D2HGDH: variants seen among roughly 807,000 people sequenced by gnomAD.
D2HGDH encodes the protein D-2-hydroxyglutarate dehydrogenase.
In D2HGDH, 31 loss-of-function variants were observed where a neutral mutation model predicts 46.9. The observed-to-expected ratio is 0.66, with a 90% CI of 0.50 to 0.89. D2HGDH has a LOEUF of 0.89. Among genes scored for constraint, D2HGDH ranks in the 40% least tolerant of loss-of-function variants. The pLI is 0.00. For synonymous variants in D2HGDH, 364 were observed against 332.6 expected (o/e 1.09, Z -1.03); for missense variants, 698 against 720.8 (o/e 0.97, Z 0.36).
At chr2:241,756,127 G>A (rs759711750) in intron 9 of D2HGDH, 113 bp downstream of exon 9, 13 of 1,413,378 alleles carry the variant, frequency 9.2e-6, no homozygotes, top group Non-Finnish European at 1.2e-5. Context: ...CTCTGGCTTA[G>A]CATATCTCCC....
intron 1 of D2HGDH, 115 bp from the exon 2 acceptor site, chr2:241,735,018 C>T: frequency 1.7e-6 from 1 of 583,850 alleles, no homozygotes; most frequent in Non-Finnish European, 2.8e-6. Context: ...AGGGGGAGGG[C>T]CCGGGTGCTC....
intron 6 of D2HGDH, among the ~76,000 whole-genome samples, chr2:241,747,767 T>C (rs1696259468): frequency 6.6e-6 from 1 of 152,120 alleles, no homozygotes; most frequent in South Asian, 2.1e-4. Flanking sequence ...TCTCCCATGA[T>C]GCCCAGGCTG....
intron 7 of D2HGDH, among the ~76,000 whole-genome samples, 189 bp downstream of exon 7, chr2:241,750,483 A>G (rs1364502195): frequency 6.6e-6 from 1 of 152,178 alleles, no homozygotes; most frequent in African/African-American, 2.4e-5. Context: ...ATTTAGGACA[A>G]AGAACAGGCT....
chr2:241,751,982 G>A (rs1045676357), intron 8 of D2HGDH, among the ~76,000 whole-genome samples: 1 of 128,236 alleles, frequency 7.8e-6, no homozygotes, highest in East Asian at 2.2e-4. Flanking sequence ...CTCGGTCACC[G>A]TCACCGGGGC....
At chr2:241,761,889 G>A (rs563372322) in intron 9 of D2HGDH, among the ~76,000 whole-genome samples, 66 of 152,042 alleles carry the variant, frequency 4.3e-4, no homozygotes, top group Non-Finnish European at 7.8e-4. Flanking sequence ...TGATAAAAAT[G>A]TCTTTTCCTC....
chr2:241,763,658 T>C (rs1699028024), intron 9 of D2HGDH, among the ~76,000 whole-genome samples: 2 of 152,200 alleles, frequency 1.3e-5, no homozygotes, highest in South Asian at 4.1e-4. Context: ...TTCAGCTCCA[T>C]TTTAATGTTA....
chr2:241,750,708 C>T (rs1419121121), intron 7 of D2HGDH, among the ~76,000 whole-genome samples: 4 of 152,170 alleles, frequency 2.6e-5, no homozygotes, highest in African/African-American at 7.2e-5. Flanking sequence ...TGGAGTTTCG[C>T]ACTGTGGCCC....
At chr2:241,764,502 T>C (rs1399824540) in intron 9 of D2HGDH, among the ~76,000 whole-genome samples, 1 of 151,956 alleles carries the variant, frequency 6.6e-6, no homozygotes, top group Non-Finnish European at 1.5e-5. Context: ...GGACTATGAG[T>C]CTCCAGGTGG....
intron 9 of D2HGDH, among the ~76,000 whole-genome samples, chr2:241,756,990 C>A (rs1293559184): frequency 6.6e-6 from 1 of 152,156 alleles, no homozygotes; most frequent in South Asian, 2.1e-4. Context: ...GACCTGAAGC[C>A]TCCATCCATC....
chr2:241,736,048 A>AC (rs920878612), intron 2 of D2HGDH: 1 of 159,488 alleles, frequency 6.3e-6, no homozygotes, highest in Non-Finnish European at 1.4e-5. Flanking sequence ...GGCGTGAGCC[A>AC]CCCCGCCCTG....
chr2:241,759,602 G>A (rs1217814185), intron 9 of D2HGDH, among the ~76,000 whole-genome samples: 4 of 152,196 alleles, frequency 2.6e-5, no homozygotes, highest in Admixed American at 1.3e-4. Context: ...CTTGTTTGCC[G>A]TCTTGAATGA....
chr2:241,740,661 TG>T (rs754812642), intron 2 of D2HGDH, among the ~76,000 whole-genome samples: 9 of 152,122 alleles, frequency 5.9e-5, no homozygotes, highest in Non-Finnish European at 1.0e-4. Context: ...GATCACTCTC[TG>T]GGGGCTGGGC....
Position 241,747,859 on chromosome 2 carries a change from G to A in D2HGDH, c.854-2292G>A, listed in dbSNP as rs151202350. Among the ~76,000 whole-genome samples the A allele has an allele frequency of 4.0e-3, 615 of 152,110 alleles. 2 individuals are homozygous for A. Among genetic ancestry groups the A allele is most frequent in the Non-Finnish European group, 6.6e-3 (447 of 67,980 alleles). ...GCTACAGGCATGAGCACCTGCGTCG[G>A]GCTCCATTCTGCTTTTTTCTCATTC... is the stretch of plus-strand genomic sequence containing the variant. On this transcript the variant is annotated intron_variant, in intron 6 of 9. Transcript: ENST00000321264.
Position 241,735,190 on chromosome 2 carries a change from C to A in D2HGDH, c.-35C>A. 1.3e-6 allele frequency: 2 copies of A among 1,495,472 alleles called. No homozygotes were observed. Among genetic ancestry groups the A allele is most frequent in the Non-Finnish European group, 8.8e-7 (1 of 1,131,542 alleles). 92.6% of individuals were successfully genotyped at this position (1,495,472 alleles called of 1,614,324 possible). ...CCGGGCCCTGAGTACCGGCCCCCCACCAAGGAGGAGCCCGAGGTCTCCGTC... is the reference window on the plus strand; with the variant it reads ...CCGGGCCCTGAGTACCGGCCCCCCAACAAGGAGGAGCCCGAGGTCTCCGTC... On this transcript the variant is annotated 5_prime_UTR_variant, in exon 2 of 10. Transcript: ENST00000321264.
At chr2:241,755,787 C>T (rs752445436) in intron 8 of D2HGDH, 62 bp from the exon 9 acceptor site, 4 of 1,610,636 alleles carry the variant, frequency 2.5e-6, no homozygotes, top group Admixed American at 1.7e-5. Context: ...GTGTGGTGTG[C>T]CCCCTGTCCC....
chr2:241,751,176 C>T lies in D2HGDH; in HGVS notation c.998-70C>T. On this transcript the variant is annotated intron_variant, in intron 7 of 9. Transcript: ENST00000321264. Reference sequence around the variant, plus strand: ...GTGGTTGCTATTACAGCTGTTCTGCCCGAGCAGCCCTGATTCTTGCCCTGG... The same window carrying T: ...GTGGTTGCTATTACAGCTGTTCTGCTCGAGCAGCCCTGATTCTTGCCCTGG... The T allele has an allele frequency of 3.1e-6, 5 of 1,608,120 alleles. No individual in the cohort carries two copies. The South Asian group carries it at 5.5e-5, about 18-fold the overall frequency.
chr2:241,739,935 A>T (rs1263155058), intron 2 of D2HGDH, among the ~76,000 whole-genome samples: 1 of 152,212 alleles, frequency 6.6e-6, no homozygotes, highest in Non-Finnish European at 1.5e-5. Flanking sequence ...GCTTGAGGCC[A>T]TGAGTTCAAG....
chr2:241,735,594 C>G, intron 2 of D2HGDH, 78 bp downstream of exon 2: 2 of 1,571,018 alleles, frequency 1.3e-6, no homozygotes, highest in Non-Finnish European at 1.7e-6. Context: ...TCAAAGCGGG[C>G]TGAGAACAAC....
At chr2:241,756,730 C>T (rs1409999287) in intron 9 of D2HGDH, among the ~76,000 whole-genome samples, 1 of 152,180 alleles carries the variant, frequency 6.6e-6, no homozygotes, top group Non-Finnish European at 1.5e-5. Flanking sequence ...CCATGTTGGC[C>T]AGGCTGGTCT....
Sources: gnomAD v4.1 joint callset for allele counts (sites outside exome capture counted in the v4.1 genomes callset) on GRCh38, gnomAD v4.1.1 for gene constraint, MANE v1.5 for transcripts, NCBI Gene and HGNC (gene_info 2026-07-23, HGNC 2026-07-21) for gene names.